Variants in EZH1 observed in about 807,000 individuals in gnomAD.
EZH1 encodes enhancer of zeste 1 polycomb repressive complex 2 subunit.
Under a neutral mutation model 100.5 loss-of-function variants are expected in EZH1, and 33 were observed. The ratio of observed to expected loss-of-function variants is 0.33; its 90% CI spans 0.25 to 0.44. The LOEUF (loss-of-function observed/expected upper bound fraction) is 0.44, where lower values mean the gene tolerates loss of function less well. Among genes scored for constraint, EZH1 ranks in the 20% least tolerant of loss-of-function variants. The pLI is 1.00. For synonymous variants in EZH1, 272 were observed against 313.8 expected (o/e 0.87, Z 1.41); for missense variants, 475 against 928.4 (o/e 0.51, Z 6.35).
intron 1 of EZH1, among the ~76,000 whole-genome samples, chr17:42,743,000 G>C (rs997125265): frequency 1.3e-5 from 2 of 151,448 alleles, no homozygotes; most frequent in African/African-American, 2.4e-5. Flanking sequence ...CCCCTGAATA[G>C]CTGGGATTAC....
intron 1 of EZH1, among the ~76,000 whole-genome samples, chr17:42,735,878 A>C (rs1413630576): frequency 1.3e-5 from 2 of 152,104 alleles, no homozygotes; most frequent in Non-Finnish European, 2.9e-5. Flanking sequence ...TCAGCTACTC[A>C]GGAAGCTGAG....
chr17:42,719,854 T>C (rs1056409726), intron 7 of EZH1, among the ~76,000 whole-genome samples: 3 of 152,162 alleles, frequency 2.0e-5, no homozygotes, highest in Admixed American at 6.6e-5. Context: ...GCTGAAGAAC[T>C]ACACTGATAC....
In EZH1 at chr17:42,701,278, C is replaced by G. The variant is rs2053235071; in HGVS notation, c.*1254G>C. ...ACCTTAGGCCAAACTCTACCCCAAT[C>G]TATAGACCTTTTAAAAGAAATGGTT... On this transcript the variant is annotated 3_prime_UTR_variant, in exon 21 of 21. Coordinates refer to ENST00000428826, the MANE Select transcript of EZH1 (RefSeq NM_001991.5). 1 of 152,800 alleles carries G rather than the reference C, an allele frequency of 6.5e-6. No individual in the cohort carries two copies. Among genetic ancestry groups the G allele is most frequent in the South Asian group, 2.1e-4 (1 of 4,836 alleles). The allele number at this position is 152,800 out of a possible 1,614,324, so 9.5% of individuals were successfully genotyped here. A position where few individuals can be genotyped will look rare whatever the true frequency, so the allele number is the denominator to read the frequency against.
intron 1 of EZH1, among the ~76,000 whole-genome samples, chr17:42,740,593 C>A (rs1031653766): frequency 6.6e-6 from 1 of 152,102 alleles, no homozygotes; most frequent in Non-Finnish European, 1.5e-5. Flanking sequence ...GAAGTAATCC[C>A]CCTTCCTCAG....
At position 42,721,132 on chromosome 17, in the gene EZH1, A is replaced by G. The variant is rs558859003; in HGVS notation, c.488-683T>C. Among the ~76,000 whole-genome samples, 10 of 152,384 alleles carry G rather than the reference A, an allele frequency of 6.6e-5. No homozygotes were observed. In the South Asian group the frequency reaches 1.9e-3, roughly 28 times the overall value. ...AGTAATGACGTCTCTAAATCAAAAG[A>G]CAGCAATTTTTCCTAAAATTGTACT... is the stretch of plus-strand genomic sequence containing the variant. On this transcript the variant is annotated intron_variant, in intron 6 of 20. Transcript: ENST00000428826.
intron 17 of EZH1, 57 bp downstream of exon 17, chr17:42,705,031 A>C: frequency 7.1e-7 from 1 of 1,403,426 alleles, no homozygotes; most frequent in Non-Finnish European, 1.0e-6. Context: ...ACAGAAAATC[A>C]GAGTTTCTCA....
chr17:42,730,002 C>T (rs2053908894), intron 2 of EZH1, among the ~76,000 whole-genome samples: 1 of 152,036 alleles, frequency 6.6e-6, no homozygotes, highest in Non-Finnish European at 1.5e-5. Context: ...CACATCACTG[C>T]ACTCCAGCCT....
chr17:42,719,033 C>T (rs2053657445), intron 8 of EZH1, 72 bp downstream of exon 8: 2 of 1,221,822 alleles, frequency 1.6e-6, no homozygotes. Context: ...TTTTACTAAC[C>T]AAAAATTAGG....
chr17:42,741,141 T>C (rs1006681878), intron 1 of EZH1, among the ~76,000 whole-genome samples: 1 of 152,234 alleles, frequency 6.6e-6, no homozygotes, highest in African/African-American at 2.4e-5. Flanking sequence ...TATGTAGAAA[T>C]GGAATTAGTG....
In EZH1 at chr17:42,720,418, A is replaced by T; in HGVS notation, c.519T>A (p.Asp173Glu). ...CATCGACCAACTCCAGAAAAACAGC[A>T]TCACTAATCAGAACGGATCCAGGGA... ...EMIPGSVLIS[D>E]AVFLELVDAL... is the part of the protein sequence containing the mutation. The change falls in exon 7 of 21, where the codon GAT (aspartate) becomes GAA (glutamate). Residue 173 changes from aspartate to glutamate, a missense_variant. Coordinates refer to ENST00000428826, the MANE Select transcript of EZH1 (RefSeq NM_001991.5). The T allele has an allele frequency of 6.2e-7, 1 of 1,613,646 alleles. No individual in the cohort carries two copies. The highest frequency in any genetic ancestry group is 8.5e-7 in the Non-Finnish European group (1 of 1,179,880).
intron 2 of EZH1, 52 bp from the exon 3 acceptor site, chr17:42,729,004 T>C: frequency 6.7e-7 from 1 of 1,485,846 alleles, no homozygotes; most frequent in Non-Finnish European, 9.0e-7. Context: ...AAATAAAGCA[T>C]TCCTCAAATA....
At position 42,709,912 on chromosome 17, in the gene EZH1, G is replaced by A. The variant is rs1421355777; in HGVS notation, c.1427C>T (p.Ser476Leu). Residue 476 changes from serine (S) to leucine (L), a missense_variant, in exon 13 of 21, where the codon TCA (serine) becomes TTA (leucine). Physicochemically the swap from Ser to Leu is moderately radical, Grantham distance 145. Transcript: ENST00000428826. ...ATCTGTTGGCAGCTTCAGGATAAGT[G>A]ATTCTTTGACTGCAAACTGAAAGAC... ...KQVFQFAVKE[S>L]LILKLPTDEL... 1.2e-6 allele frequency: 2 copies of A among 1,614,176 alleles called. No homozygotes were observed. The highest frequency in any genetic ancestry group is 8.5e-7 in the Non-Finnish European group (1 of 1,180,002).
intron 18 of EZH1, 49 bp downstream of exon 18, chr17:42,704,553 A>G: frequency 2.0e-6 from 3 of 1,503,716 alleles, no homozygotes; most frequent in Non-Finnish European, 1.8e-6. Flanking sequence ...GTCTCAAAAA[A>G]AGAAAAAAAA....
At position 42,701,211 on chromosome 17, in the gene EZH1, T is replaced by A. The variant is rs1388799217; in HGVS notation, c.*1321A>T. ...AGGAGAATCTCCCACCCTCTCTTCT[T>A]CCCCCTCCCTCAGGAGTGGGATTTA... On this transcript the variant is annotated 3_prime_UTR_variant, in exon 21 of 21. Coordinates refer to ENST00000428826, the MANE Select transcript of EZH1 (RefSeq NM_001991.5). 6.6e-6 allele frequency: 1 copy of A among 152,596 alleles called. No homozygotes were observed. 9.5% of individuals were successfully genotyped at this position (152,596 alleles called of 1,614,324 possible). A position where few individuals can be genotyped will look rare whatever the true frequency, so the allele number is the denominator to read the frequency against.
intron 2 of EZH1, chr17:42,729,219 C>T: frequency 3.5e-6 from 1 of 286,642 alleles, no homozygotes; most frequent in South Asian, 4.0e-5. Flanking sequence ...CAACCTTGGG[C>T]AACATGGTGA....
chr17:42,702,471 T>C lies in EZH1; in HGVS notation c.*61A>G. 7.3e-7 allele frequency: 1 copy of C among 1,374,270 alleles called. No individual in the cohort carries two copies. The highest frequency in any genetic ancestry group is 1.0e-6 in the Non-Finnish European group (1 of 991,492). 85.1% of individuals were successfully genotyped at this position (1,374,270 alleles called of 1,614,324 possible). A position where few individuals can be genotyped will look rare whatever the true frequency, so the allele number is the denominator to read the frequency against. On this transcript the variant is annotated 3_prime_UTR_variant, in exon 21 of 21. Coordinates refer to ENST00000428826, the MANE Select transcript of EZH1 (RefSeq NM_001991.5). ...GTGCAGGAGACTCGAGCAGCAGTGG[T>C]GTGAGCACGAAAGCCAAGACAGTGC...
chr17:42,713,173 T>C, intron 11 of EZH1, 36 bp downstream of exon 11: 3 of 1,606,234 alleles, frequency 1.9e-6, no homozygotes, highest in Non-Finnish European at 2.6e-6. Context: ...AGTCCTTGCA[T>C]GGAAAGAAAA....
rs932452207 is a variant in EZH1 at position 42,702,169 on chromosome 17, A to T, written c.*363T>A. ...TCTTGATGTGGAAAGCTACAATTAC[A>T]GGCTAGCGCTTGTTGGGAACTGCCT... On this transcript the variant is annotated 3_prime_UTR_variant, in exon 21 of 21. Transcript: ENST00000428826. 1 of 210,324 alleles carries T rather than the reference A, an allele frequency of 4.8e-6. No homozygotes were observed. The highest frequency in any genetic ancestry group is 2.3e-5 in the African/African-American group (1 of 43,896). 13.0% of individuals were successfully genotyped at this position (210,324 alleles called of 1,614,324 possible). A position where few individuals can be genotyped will look rare whatever the true frequency, so the allele number is the denominator to read the frequency against.
intron 12 of EZH1, among the ~76,000 whole-genome samples, chr17:42,711,163 C>T (rs112308196): frequency 0.073 from 11,095 of 151,920 alleles, 513 homozygotes; most frequent in Non-Finnish European, 0.11. Flanking sequence ...TGGTGAAACC[C>T]CATCTCTACT....
Sources: gnomAD v4.1 joint callset for allele counts (sites outside exome capture counted in the v4.1 genomes callset) on GRCh38, gnomAD v4.1.1 for gene constraint, MANE v1.5 for transcripts, NCBI Gene and HGNC (gene_info 2026-07-23, HGNC 2026-07-21) for gene names.